The following SHC2 variants were observed in gnomAD, a reference collection of about 807,000 sequenced individuals.
SHC2 encodes the protein SHC-transforming protein 2.
Under a neutral mutation model 60.6 loss-of-function variants are expected in SHC2, and 62 were observed. The observed-to-expected ratio is 1.02, with a 90% CI of 0.83 to 1.26. The LOEUF (loss-of-function observed/expected upper bound fraction) is 1.26. SHC2 is among the 50% of genes most tolerant of loss of function. The pLI, the probability that SHC2 is intolerant of heterozygous loss-of-function variation, is 0.00. For synonymous variants in SHC2, 375 were observed against 372.4 expected (o/e 1.01, Z -0.08); for missense variants, 873 against 822.2 (o/e 1.06, Z -0.76).
chr19:440,542 C>T lies in SHC2; in HGVS notation c.539+320G>A, dbSNP rs1182040633. On this transcript the variant is annotated intron_variant, in intron 2 of 12. Coordinates refer to ENST00000264554, the MANE Select transcript of SHC2 (RefSeq NM_012435.3). The surrounding 1 kb of genome is among the most constrained non-coding windows in gnomAD (Gnocchi z 7.0). ...GGAAAACAGAGCAGGGACACGGAGACGCCACTGGGCCCCGGTCCCAGAGGG... is the reference window on the plus strand; with the variant it reads ...GGAAAACAGAGCAGGGACACGGAGATGCCACTGGGCCCCGGTCCCAGAGGG... 6.6e-6 allele frequency among the ~76,000 whole-genome samples: 1 copy of T among 152,188 alleles called. No individual in the cohort carries two copies. Among genetic ancestry groups the T allele is most frequent in the Non-Finnish European group, 1.5e-5 (1 of 68,030 alleles).
intron 9 of SHC2, among the ~76,000 whole-genome samples, chr19:429,904 C>T (rs1974529304): frequency 6.9e-6 from 1 of 144,924 alleles, no homozygotes; most frequent in South Asian, 2.2e-4. Flanking sequence ...TGCAGAGAAA[C>T]CTAATACCGT....
chr19:459,268 C>T (rs1284706293), intron 1 of SHC2, among the ~76,000 whole-genome samples: 14 of 145,246 alleles, frequency 9.6e-5, no homozygotes, highest in Non-Finnish European at 1.7e-4. Flanking sequence ...CCTCTCAACT[C>T]GGTGTAGGGG....
rs1008648719 is a variant in SHC2, at chr19:436,287, G to T, written c.831C>A (p.Cys277Ter). 6.3e-6 allele frequency: 10 copies of T among 1,590,054 alleles called. No individual in the cohort carries two copies. The highest frequency in any genetic ancestry group is 7.7e-6 in the Non-Finnish European group (9 of 1,169,548). The stretch of plus-strand genomic sequence containing the variant: ...GGCCCTCACAGCACTCCAGGATGTG[G>T]CAGGCTGCGGGCACGTTGGTCATGC... Reference protein sequence around the residue: ...VAKDPINQRACHILECCEGLA... With the variant: ...VAKDPINQRA Residue 277 changes from cysteine (C) to a stop codon, truncating the protein, a stop_gained, in exon 7 of 13, where the codon TGC becomes TGA. Transcript: ENST00000264554. LOFTEE classifies it high-confidence loss of function.
Position 438,996 on chromosome 19 carries a change from C to T in SHC2, c.574G>A (p.Gly192Ser), listed in dbSNP as rs1300383355. The change falls in exon 3 of 13, where the codon GGC becomes AGC. Residue 192 changes from glycine (G) to serine (S), a missense_variant. Transcript: ENST00000264554. This position sits in a 1 kb window ranked among gnomAD's most constrained non-coding sequence, Gnocchi z 5.0. Reference sequence around the variant, plus strand: ...TTTTTCTTCCAGGATCCCCGGACGCCAGGCACGGCCTCATGGAGCCGGTTG... The same window carrying T: ...TTTTTCTTCCAGGATCCCCGGACGCTAGGCACGGCCTCATGGAGCCGGTTG... ...AINRLHEAVP[G>S]VRGSWKKKAP... 6 of 1,600,944 alleles carry T rather than the reference C, an allele frequency of 3.7e-6. No homozygotes were observed. The highest frequency in any genetic ancestry group is 2.3e-5 in the East Asian group (1 of 44,394).
At chr19:450,038 C>T (rs1428644658) in intron 1 of SHC2, among the ~76,000 whole-genome samples, 1 of 152,238 alleles carries the variant, frequency 6.6e-6, no homozygotes, top group East Asian at 1.9e-4. Flanking sequence ...GACGCCCCTC[C>T]CACTGGCCAC....
chr19:451,231 CGT>C (rs1236193237), intron 1 of SHC2, among the ~76,000 whole-genome samples: 16 of 99,776 alleles, frequency 1.6e-4, no homozygotes, highest in African/African-American at 4.6e-4. Flanking sequence ...GCCGTGGCCA[CGT>C]CATATTTCAG....
intron 11 of SHC2, among the ~76,000 whole-genome samples, chr19:420,685 A>AT (rs1288256876): frequency 1.3e-5 from 2 of 152,226 alleles, no homozygotes; most frequent in Non-Finnish European, 2.9e-5. Flanking sequence ...CAAATATGCA[A>AT]TTGATGGTTT....
rs2057811320 is a variant in SHC2 at position 425,505 on chromosome 19, G to A, written c.1175-274C>T. Among the ~76,000 whole-genome samples, 1 of 152,198 alleles carries A rather than the reference G, an allele frequency of 6.6e-6. No homozygotes were observed. Among genetic ancestry groups the A allele is most frequent in the Non-Finnish European group, 1.5e-5 (1 of 68,022 alleles). ...TGGGCACCAGACGTCCACGCCCAGG[G>A]AGAAGGCAGCCGCTGCTCCACCCCA... is the stretch of plus-strand genomic sequence containing the variant. On this transcript the variant is annotated intron_variant, in intron 9 of 12. Coordinates refer to ENST00000264554, the MANE Select transcript of SHC2 (RefSeq NM_012435.3). This position sits in a 1 kb window ranked among gnomAD's most constrained non-coding sequence, Gnocchi z 4.1.
intron 1 of SHC2, among the ~76,000 whole-genome samples, chr19:447,384 C>T (rs989128155): frequency 4.6e-5 from 7 of 152,212 alleles, no homozygotes; most frequent in Non-Finnish European, 5.9e-5. Flanking sequence ...GAACTAGACA[C>T]GGGTGAGGGT....
In SHC2 at chr19:425,321, C is replaced by G; in HGVS notation, c.1175-90G>C. 9.2e-7 allele frequency: 1 copy of G among 1,081,654 alleles called. No homozygotes were observed. The highest frequency in any genetic ancestry group is 1.2e-6 in the Non-Finnish European group (1 of 842,372). 67.0% of individuals were successfully genotyped at this position (1,081,654 alleles called of 1,614,324 possible). ...GGCGGGGTCCCACGAGGAGCTCCCC[C>G]GGCCACCACCTGTGCTGCTGGCTGC... On this transcript the variant is annotated intron_variant, in intron 9 of 12. Coordinates refer to ENST00000264554, the MANE Select transcript of SHC2 (RefSeq NM_012435.3). This position sits in a 1 kb window ranked among gnomAD's most constrained non-coding sequence, Gnocchi z 4.1.
chr19:458,678 AG>A (rs1359907297), intron 1 of SHC2, among the ~76,000 whole-genome samples: 3 of 60,528 alleles, frequency 5.0e-5, no homozygotes. Flanking sequence ...GTTCCGGGGG[AG>A]GGGGAAGCGG....
chr19:436,174 G>T lies in SHC2; in HGVS notation c.944C>A (p.Pro315His). The part of the protein sequence containing the change: ...YLHSPPKVAL[P>H]PERLAGPEES... The stretch of plus-strand genomic sequence containing the variant: ...AGGCAGCTCTGGTTACCTTTCTGGG[G>T]GCAGCGCCACCTTGGGCGGGCTGTG... Residue 315 changes from proline (P) to histidine (H), a missense_variant, in exon 7 of 13, where the codon CCC (proline) becomes CAC (histidine). Transcript: ENST00000264554. 1 of 1,611,178 alleles carries T rather than the reference G, an allele frequency of 6.2e-7. No individual in the cohort carries two copies. The highest frequency in any genetic ancestry group is 8.5e-7 in the Non-Finnish European group (1 of 1,179,312).
intron 4 of SHC2, among the ~76,000 whole-genome samples, chr19:437,031 G>GCACA (rs150186783): frequency 6.6e-6 from 1 of 150,712 alleles, no homozygotes; most frequent in East Asian, 1.9e-4. Context: ...CCACACACAT[G>GCACA]CACACACACA....
chr19:460,789 C>T lies in SHC2; in HGVS notation c.208G>A (p.Gly70Arg). Residue 70 changes from glycine to arginine, a missense_variant, in exon 1 of 13, where the codon GGG becomes AGG. Coordinates refer to ENST00000264554, the MANE Select transcript of SHC2 (RefSeq NM_012435.3). ...GCGGCCGCCAGCGCCGGGACGCCCC[C>T]CGGGCCCGCCGGCTCGGGTTGGGGG... ...ADPQPEPAGPGGVPALAAAVL... is the reference protein window; with the variant it reads ...ADPQPEPAGPRGVPALAAAVL... The T allele has an allele frequency of 2.0e-6, 2 of 979,658 alleles. No individual in the cohort carries two copies. Among genetic ancestry groups the T allele is most frequent in the Non-Finnish European group, 2.4e-6 (2 of 827,546 alleles). 60.7% of individuals were successfully genotyped at this position (979,658 alleles called of 1,614,324 possible). A position where few individuals can be genotyped will look rare whatever the true frequency, so the allele number is the denominator to read the frequency against.
Position 416,873 on chromosome 19 carries a change from C to G in SHC2, c.*455G>C, listed in dbSNP as rs1279456627. On this transcript the variant is annotated 3_prime_UTR_variant, in exon 13 of 13. Transcript: ENST00000264554. ...ACCCCAAAGCACCTTAAGCGTCCCC[C>G]CTCAAAGACAACTGTGCACCCAGTC... is the stretch of plus-strand genomic sequence containing the variant. 1.3e-5 allele frequency: 2 copies of G among 152,614 alleles called. No individual in the cohort carries two copies. The highest frequency in any genetic ancestry group is 2.4e-5 in the African/African-American group (1 of 41,440). 9.5% of individuals were successfully genotyped at this position (152,614 alleles called of 1,614,324 possible). A position where few individuals can be genotyped will look rare whatever the true frequency, so the allele number is the denominator to read the frequency against.
At chr19:439,393 C>T (rs10415006) in intron 2 of SHC2, 6,691 of 301,016 alleles carry the variant, frequency 0.022, 439 homozygotes, top group African/African-American at 0.13. Flanking sequence ...AAGGAAGGCT[C>T]GGCATCAGAT....
intron 8 of SHC2, 85 bp downstream of exon 8, chr19:434,624 G>T: frequency 1.7e-6 from 2 of 1,207,360 alleles, no homozygotes; most frequent in South Asian, 1.5e-5. Context: ...AGGAGAACAG[G>T]AGCAGAAAGA....
At chr19:458,359 G>C (rs1402661789) in intron 1 of SHC2, among the ~76,000 whole-genome samples, 1 of 141,528 alleles carries the variant, frequency 7.1e-6, no homozygotes, top group Admixed American at 6.9e-5. Flanking sequence ...GGGTTCCGGG[G>C]AGGCGGAAGC....
chr19:430,740 G>A lies in SHC2; in HGVS notation c.1118C>T (p.Ser373Phe). The change falls in exon 9 of 13, where the codon TCT becomes TTT. Residue 373 changes from serine to phenylalanine, a missense_variant. By Grantham distance (155) the Ser-to-Phe change is radical (BLOSUM62 -2). Transcript: ENST00000264554. ...CALTALDQGP[S>F]PSLRDACSLP... ...GCTGCAGGCATCTCTTAGAGAAGGA[G>A]ATGGGCCCTGGAAACAGAGCAGTGA... 5.0e-6 allele frequency: 8 copies of A among 1,613,074 alleles called. No homozygotes were observed. Among genetic ancestry groups the A allele is most frequent in the Non-Finnish European group, 6.8e-6 (8 of 1,179,806 alleles).
Sources: allele counts gnomAD v4.1 joint callset (sites outside exome capture counted in the v4.1 genomes callset), GRCh38; gene constraint gnomAD v4.1.1; non-coding constraint Gnocchi (gnomAD v3.1); transcripts MANE v1.5; gene names NCBI Gene and HGNC (gene_info 2026-07-23, HGNC 2026-07-21).